SYNE1: variants seen among roughly 807,000 people sequenced by gnomAD.
SYNE1 encodes the protein nesprin-1.
SYNE1 carries 616 observed loss-of-function variants against 1,111.0 expected under a neutral mutation model. That is an observed-to-expected ratio of 0.55 (90% CI 0.52 to 0.59). SYNE1 has a LOEUF of 0.59. Among genes scored for constraint, SYNE1 ranks in the 20% least tolerant of loss-of-function variants. The pLI is 0.00. For synonymous variants in SYNE1, 3,855 were observed against 3,825.8 expected (o/e 1.01, Z -0.28); for missense variants, 10,006 against 10,417.0 (o/e 0.96, Z 1.72).
At chr6:152,194,262 T>A (rs1215503072) in intron 127 of SYNE1, among the ~76,000 whole-genome samples, 1 of 152,158 alleles carries the variant, frequency 6.6e-6, no homozygotes, top group Non-Finnish European at 1.5e-5. Flanking sequence ...TTGAAAGACG[T>A]TTTCACTGGT....
intron 9 of SYNE1, among the ~76,000 whole-genome samples, chr6:152,504,365 T>C (rs1223639187): frequency 2.0e-5 from 3 of 152,204 alleles, no homozygotes; most frequent in African/African-American, 4.8e-5. Flanking sequence ...AACACAAGTC[T>C]ATCCTCTTTG....
chr6:152,201,701 T>C (rs554187335), intron 127 of SYNE1, 123 bp downstream of exon 127: 2 of 1,445,214 alleles, frequency 1.4e-6, no homozygotes, highest in African/African-American at 1.4e-5. Context: ...CCTGTCCTTA[T>C]GTCATATACT....
rs147402839 is a variant in SYNE1 at position 152,362,188 on chromosome 6, C to A, written c.10281G>T (p.Thr3427=). The A allele has an allele frequency of 4.9e-4, 791 of 1,614,202 alleles. 2 individuals carry two copies. In the African/African-American group the frequency reaches 8.9e-3, roughly 18 times the overall value. Residue 3427 remains threonine (T), a synonymous_variant, in exon 64 of 146, where the codon ACG becomes ACT. Coordinates refer to ENST00000367255, the MANE Select transcript of SYNE1 (RefSeq NM_182961.4). The stretch of plus-strand genomic sequence containing the variant: ...CTCTCACCTTGGCTTTTCCGAGCAT[C>A]GTTGTTTTATCCCGCAGCTCCGCAT... ...RQHAELRDKT[T]MLGKAKLLNE... is the part of the protein sequence containing the mutation.
intron 95 of SYNE1, among the ~76,000 whole-genome samples, chr6:152,293,026 T>G (rs1199584118): frequency 6.6e-6 from 1 of 152,262 alleles, no homozygotes; most frequent in Non-Finnish European, 1.5e-5. Context: ...TGCATTAGAT[T>G]AATGTAATGA....
intron 65 of SYNE1, 27 bp from the exon 66 acceptor site, chr6:152,358,564 G>C: frequency 6.2e-7 from 1 of 1,612,090 alleles, no homozygotes; most frequent in Non-Finnish European, 8.5e-7. Flanking sequence ...AAATAATGAA[G>C]TTAGGAACAC....
intron 56 of SYNE1, among the ~76,000 whole-genome samples, chr6:152,379,983 A>G (rs996377829): frequency 3.3e-5 from 5 of 152,218 alleles, no homozygotes; most frequent in Non-Finnish European, 5.9e-5. Flanking sequence ...AGCAATTATC[A>G]ACTTCTTTGT....
chr6:152,247,855 AACACACACACAC>A (rs10592346), intron 105 of SYNE1, among the ~76,000 whole-genome samples: 1 of 89,850 alleles, frequency 1.1e-5, no homozygotes, highest in African/African-American at 4.5e-5. Context: ...GGTGTTCTTT[AACACACACACAC>A]ACACACACAC....
At chr6:152,154,807 A>C in intron 133 of SYNE1, 85 bp downstream of exon 133, 1 of 1,471,348 alleles carries the variant, frequency 6.8e-7, no homozygotes, top group Non-Finnish European at 9.5e-7. Flanking sequence ...TGTGGTGAAC[A>C]GCTAGTTTAG....
At chr6:152,202,173 C>T (rs544901264) in intron 126 of SYNE1, among the ~76,000 whole-genome samples, 1 of 151,726 alleles carries the variant, frequency 6.6e-6, no homozygotes, top group African/African-American at 2.4e-5. Flanking sequence ...ATGGTGAAAC[C>T]TTGTCTCTAC....
chr6:152,547,379 T>A (rs184865037), intron 3 of SYNE1, among the ~76,000 whole-genome samples: 2 of 152,204 alleles, frequency 1.3e-5, no homozygotes, highest in Non-Finnish European at 2.9e-5. Flanking sequence ...GGAACCGCCA[T>A]TGGAAATTGG....
intron 98 of SYNE1, 187 bp downstream of exon 98, chr6:152,277,902 T>C (rs1355633311): frequency 1.4e-6 from 1 of 725,506 alleles, no homozygotes; most frequent in African/African-American, 1.7e-5. Context: ...TAACAAAATC[T>C]ATTTGCAAAT....
chr6:152,241,334 C>A (rs115027853), intron 107 of SYNE1, among the ~76,000 whole-genome samples: 2,278 of 136,814 alleles, frequency 0.017, 61 homozygotes, highest in African/African-American at 0.058. Flanking sequence ...ACAAAAAAAA[C>A]CCACCTTTAC....
intron 4 of SYNE1, among the ~76,000 whole-genome samples, chr6:152,531,422 G>A (rs1248730428): frequency 6.6e-6 from 1 of 152,144 alleles, no homozygotes; most frequent in East Asian, 1.9e-4. Context: ...GTTCAGTACT[G>A]TCTGTGGCTT....
At chr6:152,511,211 T>C in intron 6 of SYNE1, 108 bp from the exon 7 acceptor site, 2 of 955,640 alleles carry the variant, frequency 2.1e-6, no homozygotes, top group Non-Finnish European at 3.3e-6. Flanking sequence ...TGATCATGCC[T>C]ATGTAATAGT....
At chr6:152,444,651 A>G in intron 29 of SYNE1, 73 bp from the exon 30 acceptor site, 3 of 1,408,706 alleles carry the variant, frequency 2.1e-6, no homozygotes, top group Non-Finnish European at 2.9e-6. Flanking sequence ...TTTTTTGGTA[A>G]GGTATGATTG....
chr6:152,469,366 G>C (rs1343663892), intron 16 of SYNE1, among the ~76,000 whole-genome samples: 1 of 151,758 alleles, frequency 6.6e-6, no homozygotes, highest in Admixed American at 6.6e-5. Flanking sequence ...ACTGGGGAAA[G>C]ACTAAGCCTT....
Position 152,416,924 on chromosome 6 carries a change from T to G in SYNE1, c.5513A>C (p.Asp1838Ala). 6.2e-7 allele frequency: 1 copy of G among 1,613,908 alleles called. No individual in the cohort carries two copies. The highest frequency in any genetic ancestry group is 1.3e-5 in the African/African-American group (1 of 74,992). ...AKLGSLGRAE[D>A]LHLLQGKAED... is the part of the protein sequence containing the mutation. ...AGCCTTTCCCTGCAGGAGGTGGAGG[T>G]CCTCAGCACGGCCCAGAGAACCCAA... is the stretch of plus-strand genomic sequence containing the variant. The change falls in exon 41 of 146, where the codon GAC becomes GCC. Residue 1838 changes from aspartate to alanine, a missense_variant. By Grantham distance (126) the Asp-to-Ala change is moderately radical. Transcript: ENST00000367255.
intron 101 of SYNE1, among the ~76,000 whole-genome samples, chr6:152,257,515 A>G (rs1011261547): frequency 1.3e-5 from 2 of 152,258 alleles, no homozygotes; most frequent in Non-Finnish European, 2.9e-5. Flanking sequence ...TGGGCAAAAG[A>G]GCAAGACCCT....
chr6:152,350,712 C>A lies in SYNE1; in HGVS notation c.11639G>T (p.Gly3880Val). Residue 3880 changes from glycine (G) to valine (V), a missense_variant, in exon 71 of 146, where the codon GGT (glycine) becomes GTT (valine). This residue lies in a region of SYNE1 where 4,955 missense variants were observed against 5,017.2 expected (regional missense o/e 0.99). Transcript: ENST00000367255. The part of the protein sequence containing the change: ...EPSVKSVREK[G>V]EALLELVQDV... ...CTGCACCAGTTCCAAAAGAGCTTCA[C>A]CCTTCTCTCTCACTGACTTTACTGA... is the stretch of plus-strand genomic sequence containing the variant. 6.2e-7 allele frequency: 1 copy of A among 1,614,080 alleles called. No individual in the cohort carries two copies. The highest frequency in any genetic ancestry group is 8.5e-7 in the Non-Finnish European group (1 of 1,180,014).
Sources: allele counts gnomAD v4.1 joint callset (sites outside exome capture counted in the v4.1 genomes callset), GRCh38; gene constraint gnomAD v4.1.1; regional missense constraint gnomAD v4.1.1; transcripts MANE v1.5; gene names NCBI Gene and HGNC (gene_info 2026-07-23, HGNC 2026-07-21).